The following CTNNA3 variants were observed in gnomAD, a reference collection of about 807,000 sequenced individuals.
CTNNA3 encodes the protein catenin alpha 3.
In CTNNA3, 76 loss-of-function variants were observed where a neutral mutation model predicts 95.7. The observed-to-expected ratio is 0.79, with a 90% CI of 0.66 to 0.96. The LOEUF (loss-of-function observed/expected upper bound fraction) is 0.96. Ranked by LOEUF, CTNNA3 falls within the 40% of genes least tolerant of loss-of-function variation. The pLI is 0.00. For synonymous variants in CTNNA3, 431 were observed against 374.4 expected (o/e 1.15, Z -1.74); for missense variants, 1,191 against 1,089.8 (o/e 1.09, Z -1.31).
At chr10:67,477,073 G>A (rs1352912741) in intron 5 of CTNNA3, among the ~76,000 whole-genome samples, 1 of 152,052 alleles carries the variant, frequency 6.6e-6, no homozygotes, top group Non-Finnish European at 1.5e-5. Flanking sequence ...AACCCTTCCT[G>A]TGCAGAGACT....
chr10:66,987,973 C>G (rs1399313934), intron 7 of CTNNA3, among the ~76,000 whole-genome samples: 5 of 151,858 alleles, frequency 3.3e-5, no homozygotes, highest in African/African-American at 1.2e-4. Context: ...TGTGGGTTAC[C>G]AAATTATAAG....
intron 7 of CTNNA3, among the ~76,000 whole-genome samples, chr10:67,014,048 G>T (rs576796886): frequency 6.6e-6 from 1 of 152,226 alleles, no homozygotes; most frequent in South Asian, 2.1e-4. Context: ...AAGGGGGAGT[G>T]TAAAAAATAA....
chr10:66,316,466 C>T (rs2092101422), intron 12 of CTNNA3, among the ~76,000 whole-genome samples: 1 of 151,934 alleles, frequency 6.6e-6, no homozygotes, highest in Admixed American at 6.6e-5. Flanking sequence ...GTGGCTGGAG[C>T]CTATCCCCGA....
chr10:67,678,724 T>C (rs1189345986), intron 1 of CTNNA3, among the ~76,000 whole-genome samples: 1 of 152,120 alleles, frequency 6.6e-6, no homozygotes, highest in African/African-American at 2.4e-5. Context: ...CATTACTACA[T>C]CACACAGATG....
At chr10:66,566,284 G>A (rs1025321311) in intron 10 of CTNNA3, among the ~76,000 whole-genome samples, 57 of 152,142 alleles carry the variant, frequency 3.7e-4, no homozygotes, top group African/African-American at 1.3e-3. Context: ...CAAATGCCCA[G>A]GATTTGGTGA....
At chr10:66,409,196 T>C (rs1948946) in intron 11 of CTNNA3, among the ~76,000 whole-genome samples, 30,924 of 152,028 alleles carry the variant, frequency 0.2, 3,430 homozygotes, top group Middle Eastern at 0.3. Context: ...TCTAGAAATA[T>C]GGTTAATGAG....
At chr10:67,699,682 C>T (rs1040518534), upstream of CTNNA3, among the ~76,000 whole-genome samples, 41 of 152,188 alleles carry the variant, frequency 2.7e-4, no homozygotes, top group Non-Finnish European at 5.1e-4. Flanking sequence ...TCTACAGCTC[C>T]CAGCATGAGC....
intron 5 of CTNNA3, among the ~76,000 whole-genome samples, chr10:67,448,206 G>T (rs866722767): frequency 3.9e-5 from 6 of 152,140 alleles, no homozygotes; most frequent in African/African-American, 1.4e-4. Flanking sequence ...AGCAGGGAAA[G>T]GGACTGGTTT....
chr10:67,275,246 G>T (rs559497532), intron 5 of CTNNA3, among the ~76,000 whole-genome samples: 46 of 152,214 alleles, frequency 3.0e-4, no homozygotes, highest in African/African-American at 1.1e-3. Context: ...GCAAATTGAG[G>T]CAGAAAGAGA....
intron 9 of CTNNA3, among the ~76,000 whole-genome samples, chr10:66,734,573 T>C (rs1019673535): frequency 2.6e-5 from 4 of 152,124 alleles, no homozygotes; most frequent in Non-Finnish European, 5.9e-5. Flanking sequence ...ACATTATGAA[T>C]TTTATTACAG....
At chr10:67,688,223 G>T (rs1173457860) in intron 1 of CTNNA3, among the ~76,000 whole-genome samples, 2 of 152,128 alleles carry the variant, frequency 1.3e-5, no homozygotes, top group East Asian at 3.9e-4. Context: ...CATGTACCCG[G>T]GTTGGGCCAA....
intron 7 of CTNNA3, among the ~76,000 whole-genome samples, chr10:66,978,393 G>C (rs1589533528): frequency 1.3e-5 from 2 of 151,260 alleles, no homozygotes; most frequent in Admixed American, 1.3e-4. Context: ...TGGGCGTGGT[G>C]GTGGGCGCCT....
chr10:66,158,846 T>C lies in CTNNA3; in HGVS notation c.1885-55597A>G, dbSNP rs184386419. 6.4e-4 allele frequency among the ~76,000 whole-genome samples: 98 copies of C among 152,220 alleles called. 1 individual carries two copies. The South Asian group carries it at 8.7e-3, about 14-fold the overall frequency. On this transcript the variant is annotated intron_variant, in intron 13 of 17. Transcript: ENST00000433211. ...TTTCAGCAGTGTTTTGTAGTTTTCC[T>C]TGTAGAGGCCTTTTGACTCCTTGGT...
At chr10:66,642,908 T>A (rs1177141762) in intron 9 of CTNNA3, among the ~76,000 whole-genome samples, 1 of 152,120 alleles carries the variant, frequency 6.6e-6, no homozygotes, top group African/African-American at 2.4e-5. Context: ...ATTGTGAAAG[T>A]ACCTGTTTCT....
intron 8 of CTNNA3, among the ~76,000 whole-genome samples, chr10:66,770,029 T>A (rs1840026014): frequency 6.6e-6 from 1 of 152,162 alleles, no homozygotes. Flanking sequence ...GAGACTCCAA[T>A]GTCTTATGTA....
At chr10:66,471,027 G>T (rs973433963) in intron 11 of CTNNA3, among the ~76,000 whole-genome samples, 4 of 151,754 alleles carry the variant, frequency 2.6e-5, no homozygotes, top group African/African-American at 9.7e-5. Context: ...AATGGAAGGA[G>T]AAAAAACGGT....
At chr10:66,431,495 C>G (rs2093295308) in intron 11 of CTNNA3, among the ~76,000 whole-genome samples, 1 of 151,876 alleles carries the variant, frequency 6.6e-6, no homozygotes, top group Admixed American at 6.6e-5. Context: ...TGGAACCAAC[C>G]CAAATGTCCA....
intron 3 of CTNNA3, among the ~76,000 whole-genome samples, chr10:67,600,832 G>A (rs10997749): frequency 0.099 from 15,110 of 152,178 alleles, 1,495 homozygotes; most frequent in African/African-American, 0.26. Flanking sequence ...AGAACAGATA[G>A]ATAAATTATG....
At chr10:66,059,040 T>C (rs1388673916) in intron 15 of CTNNA3, among the ~76,000 whole-genome samples, 1 of 151,896 alleles carries the variant, frequency 6.6e-6, no homozygotes, top group African/African-American at 2.4e-5. Flanking sequence ...CCCCAGAAGG[T>C]TGGCCCATTA....
Sources: gnomAD v4.1 joint callset for allele counts (sites outside exome capture counted in the v4.1 genomes callset) on GRCh38, gnomAD v4.1.1 for gene constraint, MANE v1.5 for transcripts, NCBI Gene and HGNC (gene_info 2026-07-23, HGNC 2026-07-21) for gene names.